The following ARPC5L variants were observed in gnomAD, a reference collection of about 807,000 sequenced individuals.
ARPC5L encodes the protein actin related protein 2/3 complex subunit 5 like.
A neutral mutation model predicts 16.9 loss-of-function variants in ARPC5L; 4 were observed. The observed-to-expected ratio is 0.24, with a 90% CI of 0.12 to 0.54. ARPC5L has a LOEUF of 0.54. Among genes scored for constraint, ARPC5L ranks in the 20% least tolerant of loss-of-function variants. ARPC5L has a pLI of 0.95. For synonymous variants in ARPC5L, 78 were observed against 82.6 expected, an observed-to-expected ratio of 0.94 and a Z score of 0.30; for missense variants, 151 against 201.9, an observed-to-expected ratio of 0.75 and a Z score of 1.53.
intron 4 of ARPC5L, 128 bp from the exon 5 acceptor site, chr9:124,874,842 CTTATT>C: frequency 9.2e-7 from 1 of 1,082,116 alleles, no homozygotes; most frequent in Non-Finnish European, 1.4e-6. Flanking sequence ...TTCTAACCCA[CTTATT>C]TTAACCATCC....
intron 3 of ARPC5L, 43 bp from the exon 4 acceptor site, chr9:124,873,648 TG>T: frequency 1.2e-6 from 2 of 1,606,790 alleles, no homozygotes; most frequent in South Asian, 1.1e-5. Flanking sequence ...CATGACGGCA[TG>T]GATGTGCTTG....
rs1473226914 is a variant in ARPC5L at position 124,877,017 on chromosome 9, C to CCAT, written c.*79_*81dup. The stretch of plus-strand genomic sequence containing the variant: ...TGGTGAAGAAGGGATTGACAATGGA[C>CCAT]CATCTTCCTAGGAACTCCCAAGTAA... On this transcript the variant is annotated 3_prime_UTR_variant, in exon 6 of 6. Transcript: ENST00000353214. The CCAT allele has an allele frequency of 5.1e-6, 6 of 1,169,526 alleles. No individual in the cohort carries two copies. The highest frequency in any genetic ancestry group is 2.1e-4 in the Middle Eastern group (1 of 4,660). The allele number at this position is 1,169,526 out of a possible 1,614,324, so 72.4% of individuals were successfully genotyped here.
Position 124,862,134 on chromosome 9 carries a change from A to T in ARPC5L, c.-1248A>T, listed in dbSNP as rs1588038456. 3.9e-6 allele frequency: 2 copies of T among 512,968 alleles called. No individual in the cohort carries two copies. The highest frequency in any genetic ancestry group is 6.6e-6 in the Non-Finnish European group (2 of 302,370). The allele number at this position is 512,968 out of a possible 1,614,324, so 31.8% of individuals were successfully genotyped here. A position where few individuals can be genotyped will look rare whatever the true frequency, so the allele number is the denominator to read the frequency against. ...CCGCCTTGTAGTGCTCGCCTCATTC[A>T]CGGCACCCCTGATAGCGAGGTCGGC... is the stretch of plus-strand genomic sequence containing the variant. On this transcript the variant is annotated 5_prime_UTR_variant, in exon 1 of 6. Coordinates refer to ENST00000353214, the MANE Select transcript of ARPC5L (RefSeq NM_030978.3).
At chr9:124,869,511 G>C (rs565577675) in intron 3 of ARPC5L, 72 bp downstream of exon 3, 2 of 1,396,038 alleles carry the variant, frequency 1.4e-6, no homozygotes, top group African/African-American at 3.1e-5. Context: ...ACCTTCTCGG[G>C]CCCTTTCGGG....
chr9:124,876,921 C>T lies in ARPC5L; in HGVS notation c.443C>T (p.Thr148Ile). The change falls in exon 6 of 6, where the codon ACA becomes ATA. Residue 148 changes from threonine to isoleucine, a missense_variant. Thr to Ile is a moderately conservative substitution (Grantham distance 89, BLOSUM62 -1). Transcript: ENST00000353214. ...GGLGSIIRVL[T>I]ARKTV ...CTAGGCTCCATTATAAGAGTTCTTACAGCAAGAAAGACTGTTTAAAAAAAA... is the reference window on the plus strand; with the variant it reads ...CTAGGCTCCATTATAAGAGTTCTTATAGCAAGAAAGACTGTTTAAAAAAAA... 1 of 1,613,114 alleles carries T rather than the reference C, an allele frequency of 6.2e-7. No homozygotes were observed. The highest frequency in any genetic ancestry group is 2.2e-5 in the East Asian group (1 of 44,848).
Position 124,873,708 on chromosome 9 carries a change from G to C in ARPC5L, c.166G>C (p.Ala56Pro). Reference sequence around the variant, plus strand: ...GTGATGCACAGGGGACATGCTTCGGGCATTCCATGCAGCCTTGCGGAACTC... The same window carrying C: ...GTGATGCACAGGGGACATGCTTCGGCCATTCCATGCAGCCTTGCGGAACTC... ...GLLRQGDMLR[A>P]FHAALRNSPV... Residue 56 changes from alanine (A) to proline (P), a missense_variant, in exon 4 of 6, where the codon GCA becomes CCA. Transcript: ENST00000353214. The C allele has an allele frequency of 6.2e-7, 1 of 1,614,216 alleles. No homozygotes were observed. Among genetic ancestry groups the C allele is most frequent in the Non-Finnish European group, 8.5e-7 (1 of 1,180,034 alleles).
chr9:124,874,876 G>T, intron 4 of ARPC5L, 99 bp from the exon 5 acceptor site: 6 of 1,411,518 alleles, frequency 4.3e-6, no homozygotes, highest in Non-Finnish European at 6.0e-6. Flanking sequence ...TTAGAAACTG[G>T]GCAGTGTTTC....
chr9:124,870,040 C>T (rs1829333840), intron 3 of ARPC5L, among the ~76,000 whole-genome samples: 1 of 152,214 alleles, frequency 6.6e-6, no homozygotes, highest in Non-Finnish European at 1.5e-5. Context: ...CAGTCTAACC[C>T]TCCCGCTTAA....
At position 124,869,102 on chromosome 9, in the gene ARPC5L, A is replaced by G. The variant is rs1277421200; in HGVS notation, c.-189A>G. 8.5e-6 allele frequency: 5 copies of G among 586,060 alleles called. No individual in the cohort carries two copies. Among genetic ancestry groups the G allele is most frequent in the Non-Finnish European group, 1.3e-5 (5 of 392,498 alleles). The allele number at this position is 586,060 out of a possible 1,614,324, so 36.3% of individuals were successfully genotyped here. On this transcript the variant is annotated 5_prime_UTR_variant, in exon 3 of 6. Coordinates refer to ENST00000353214, the MANE Select transcript of ARPC5L (RefSeq NM_030978.3). Reference sequence around the variant, plus strand: ...GGTGCCAGGCTCCGCCCCGCCCCTGACGGCGCTTCCGGATCCGGCGGGTGC... The same window carrying G: ...GGTGCCAGGCTCCGCCCCGCCCCTGGCGGCGCTTCCGGATCCGGCGGGTGC...
intron 4 of ARPC5L, among the ~76,000 whole-genome samples, chr9:124,874,077 A>C (rs1829399668): frequency 6.6e-6 from 1 of 152,216 alleles, no homozygotes; most frequent in Non-Finnish European, 1.5e-5. Context: ...TTATGCTCCC[A>C]CAGACTGTTA....
Position 124,876,964 on chromosome 9 carries a change from C to G in ARPC5L, c.*24C>G, listed in dbSNP as rs780646767. ...AAAAAAAATAAAAAGACTCATGTTA[C>G]CTTGAGAAGAATTCTGGATGCCCAG... is the stretch of plus-strand genomic sequence containing the variant. On this transcript the variant is annotated 3_prime_UTR_variant, in exon 6 of 6. Transcript: ENST00000353214. 4 of 1,589,506 alleles carry G rather than the reference C, an allele frequency of 2.5e-6. No homozygotes were observed. Among genetic ancestry groups the G allele is most frequent in the Admixed American group, 1.7e-5 (1 of 57,476 alleles).
rs1829412017 is a variant in ARPC5L, at chr9:124,875,019, G to C, written c.267G>C (p.Lys89Asn). ...TGCTGAAAGTGCTCACAAACTTCAAGAGCAGTGAGATTGAGCAGGCTGTGC... is the reference window on the plus strand; with the variant it reads ...TGCTGAAAGTGCTCACAAACTTCAACAGCAGTGAGATTGAGCAGGCTGTGC... ...GVVLKVLTNF[K>N]SSEIEQAVQS... Residue 89 changes from lysine (K) to asparagine (N), a missense_variant, in exon 5 of 6, where the codon AAG becomes AAC. Lys to Asn is a moderately conservative substitution (Grantham distance 94). Coordinates refer to ENST00000353214, the MANE Select transcript of ARPC5L (RefSeq NM_030978.3). The C allele has an allele frequency of 6.2e-7, 1 of 1,613,934 alleles. No homozygotes were observed. Among genetic ancestry groups the C allele is most frequent in the Non-Finnish European group, 8.5e-7 (1 of 1,179,920 alleles).
intron 1 of ARPC5L, among the ~76,000 whole-genome samples, chr9:124,863,715 T>C (rs1190969427): frequency 6.6e-6 from 1 of 152,172 alleles, no homozygotes; most frequent in Non-Finnish European, 1.5e-5. Context: ...GAAACGGGAA[T>C]TCACAAGGCA....
At chr9:124,874,838 C>T in intron 4 of ARPC5L, 137 bp from the exon 5 acceptor site, 1 of 1,018,322 alleles carries the variant, frequency 9.8e-7, no homozygotes, top group Non-Finnish European at 1.5e-6. Flanking sequence ...GACGTTCTAA[C>T]CCACTTATTT....
Position 124,869,105 on chromosome 9 carries a change from G to A in ARPC5L, c.-186G>A. The A allele has an allele frequency of 1.6e-6, 1 of 611,236 alleles. No homozygotes were observed. The highest frequency in any genetic ancestry group is 5.1e-5 in the South Asian group (1 of 19,550). 37.9% of individuals were successfully genotyped at this position (611,236 alleles called of 1,614,324 possible). On this transcript the variant is annotated 5_prime_UTR_variant, in exon 3 of 6. Transcript: ENST00000353214. ...GCCAGGCTCCGCCCCGCCCCTGACG[G>A]CGCTTCCGGATCCGGCGGGTGCCGG...
intron 2 of ARPC5L, among the ~76,000 whole-genome samples, chr9:124,865,316 A>T (rs967821248): frequency 7.4e-4 from 1 of 1,350 alleles, no homozygotes; most frequent in Non-Finnish European, 2.3e-3. Flanking sequence ...AACTCTGTCT[A>T]AAAAAAAAAA....
In ARPC5L at chr9:124,869,303, A is replaced by G; in HGVS notation, c.13A>G (p.Thr5Ala). 5 of 1,528,778 alleles carry G rather than the reference A, an allele frequency of 3.3e-6. No homozygotes were observed. Among genetic ancestry groups the G allele is most frequent in the Non-Finnish European group, 4.4e-6 (5 of 1,138,040 alleles). 94.7% of individuals were successfully genotyped at this position (1,528,778 alleles called of 1,614,324 possible). Residue 5 changes from threonine (T) to alanine (A), a missense_variant, in exon 3 of 6, where the codon ACG (threonine) becomes GCG (alanine). Thr to Ala is a moderately conservative substitution (Grantham distance 58). Coordinates refer to ENST00000353214, the MANE Select transcript of ARPC5L (RefSeq NM_030978.3). ...CCGAGCTCCCGCCATGGCCCGGAACACGCTGTCCTCGCGCTTCCGCCGGGT... is the reference window on the plus strand; with the variant it reads ...CCGAGCTCCCGCCATGGCCCGGAACGCGCTGTCCTCGCGCTTCCGCCGGGT... MARN[T>A]LSSRFRRVDI...
At chr9:124,864,826 A>G (rs1829248506) in intron 2 of ARPC5L, among the ~76,000 whole-genome samples, 1 of 146,394 alleles carries the variant, frequency 6.8e-6, no homozygotes, top group South Asian at 2.2e-4. Flanking sequence ...TTTTTTTTTG[A>G]GACTGAGTTT....
At chr9:124,876,209 G>T (rs1427708300) in intron 5 of ARPC5L, among the ~76,000 whole-genome samples, 1 of 152,110 alleles carries the variant, frequency 6.6e-6, no homozygotes, top group Non-Finnish European at 1.5e-5. Context: ...AACTAGGCTG[G>T]GTGCGGTGGG....
Sources: allele counts gnomAD v4.1 joint callset (sites outside exome capture counted in the v4.1 genomes callset), GRCh38; gene constraint gnomAD v4.1.1; transcripts MANE v1.5; gene names NCBI Gene and HGNC (gene_info 2026-07-23, HGNC 2026-07-21).